The following TMEM63C variants were observed in gnomAD, a reference collection of about 807,000 sequenced individuals.
TMEM63C encodes transmembrane protein 63C.
Under a neutral mutation model 99.2 loss-of-function variants are expected in TMEM63C, and 32 were observed. The ratio of observed to expected loss-of-function variants is 0.32; its 90% confidence interval spans 0.24 to 0.43. TMEM63C has a LOEUF of 0.43. Among genes scored for constraint, TMEM63C ranks in the 20% least tolerant of loss-of-function variants. The probability of loss-of-function intolerance (pLI) is 1.00; values close to 1 mark genes in which losing one functional copy is unlikely to be tolerated. For synonymous variants in TMEM63C, 376 were observed against 397.9 expected (o/e 0.94, Z 0.66); for missense variants, 826 against 1,053.0 (o/e 0.78, Z 2.98).
chr14:77,190,422 A>G (rs1888083905), intron 1 of TMEM63C, among the ~76,000 whole-genome samples: 1 of 152,204 alleles, frequency 6.6e-6, no homozygotes, highest in Admixed American at 6.5e-5. Context: ...AAATTATTCT[A>G]TGAAGCACGA....
intron 13 of TMEM63C, among the ~76,000 whole-genome samples, chr14:77,241,939 C>A (rs1294663087): frequency 6.6e-6 from 1 of 152,212 alleles, no homozygotes. Context: ...TACTGGTCAT[C>A]AATTAGCACA....
chr14:77,252,037 G>A, intron 22 of TMEM63C, 139 bp downstream of exon 22: 1 of 750,904 alleles, frequency 1.3e-6, no homozygotes, highest in Non-Finnish European at 2.3e-6. Context: ...AGAGCGTGGA[G>A]CCCAGTGTGC....
At chr14:77,230,458 C>T (rs1888918161) in intron 6 of TMEM63C, among the ~76,000 whole-genome samples, 1 of 152,170 alleles carries the variant, frequency 6.6e-6, no homozygotes. Context: ...ATGGGTCATT[C>T]ATTTTTATTG....
At chr14:77,205,543 C>T (rs1053824361) in intron 1 of TMEM63C, among the ~76,000 whole-genome samples, 9 of 152,358 alleles carry the variant, frequency 5.9e-5, no homozygotes, top group African/African-American at 1.9e-4. Flanking sequence ...GGGGTGTACC[C>T]AGAAGGCTCC....
chr14:77,204,309 T>C (rs530626126), intron 1 of TMEM63C, among the ~76,000 whole-genome samples: 37 of 152,334 alleles, frequency 2.4e-4, no homozygotes, highest in African/African-American at 8.7e-4. Flanking sequence ...ATGATAGGCT[T>C]TGAGCAAAGC....
chr14:77,234,682 A>G (rs2140120620), intron 8 of TMEM63C, among the ~76,000 whole-genome samples: 1 of 152,260 alleles, frequency 6.6e-6, no homozygotes, highest in Admixed American at 6.5e-5. Flanking sequence ...CCCTCTAACC[A>G]TGTAGAATAA....
At chr14:77,221,921 T>C (rs1385812498) in intron 5 of TMEM63C, among the ~76,000 whole-genome samples, 3 of 151,702 alleles carry the variant, frequency 2.0e-5, no homozygotes, top group Non-Finnish European at 4.4e-5. Flanking sequence ...TCCTTCTGCC[T>C]CTCTGTCTGC....
chr14:77,196,608 C>G (rs909094443), intron 1 of TMEM63C, among the ~76,000 whole-genome samples: 3 of 152,200 alleles, frequency 2.0e-5, no homozygotes, highest in African/African-American at 7.2e-5. Flanking sequence ...TAGAATCCGG[C>G]CAGATGTGGC....
chr14:77,245,952 T>A lies in TMEM63C; in HGVS notation c.1461T>A (p.Asn487Lys). The part of the protein sequence containing the change: ...LEAHWTRSSQ[N>K]LVMVHKCYIF... ...TGTTTCCTTCTAGATCAAGTCAGAA[T>A]CTGGTCATGGTGCACAAGTGCTACA... Residue 487 changes from asparagine (N) to lysine (K), a missense_variant, in exon 17 of 24, where the codon AAT (asparagine) becomes AAA (lysine). Physicochemically the swap from Asn to Lys is moderately conservative, Grantham distance 94 (BLOSUM62 0). Coordinates refer to ENST00000298351, the MANE Select transcript of TMEM63C (RefSeq NM_020431.4). 6.2e-7 allele frequency: 1 copy of A among 1,613,948 alleles called. No homozygotes were observed. The highest frequency in any genetic ancestry group is 8.5e-7 in the Non-Finnish European group (1 of 1,179,790).
chr14:77,218,412 A>G (rs1888631663), intron 2 of TMEM63C, among the ~76,000 whole-genome samples: 1 of 152,198 alleles, frequency 6.6e-6, no homozygotes, highest in Non-Finnish European at 1.5e-5. Flanking sequence ...TTGACTTCCA[A>G]CCTGAACATT....
intron 5 of TMEM63C, among the ~76,000 whole-genome samples, 161 bp from the exon 6 acceptor site, chr14:77,225,263 C>T (rs554452722): frequency 6.6e-6 from 1 of 152,336 alleles, no homozygotes; most frequent in African/African-American, 2.4e-5. Context: ...CCTCCACAGT[C>T]ACCACTGGTT....
At chr14:77,187,695 G>A (rs371447151) in intron 1 of TMEM63C, among the ~76,000 whole-genome samples, 6 of 152,326 alleles carry the variant, frequency 3.9e-5, no homozygotes, top group East Asian at 1.9e-4. Flanking sequence ...CCAGACCATC[G>A]CAGCCCTGAT....
At chr14:77,215,580 G>A (rs1245549576) in intron 2 of TMEM63C, among the ~76,000 whole-genome samples, 4 of 78,404 alleles carry the variant, frequency 5.1e-5, no homozygotes, top group East Asian at 1.5e-3. Flanking sequence ...CAGCCTAAGC[G>A]ACAGAGTGAG....
At chr14:77,238,357 C>A (rs1889098008) in intron 9 of TMEM63C, among the ~76,000 whole-genome samples, 1 of 152,228 alleles carries the variant, frequency 6.6e-6, no homozygotes, top group Admixed American at 6.5e-5. Context: ...GATCCTCCAC[C>A]CCAGCCTGAT....
intron 1 of TMEM63C, among the ~76,000 whole-genome samples, chr14:77,211,196 T>A (rs1888492187): frequency 1.3e-5 from 2 of 152,184 alleles, no homozygotes; most frequent in Admixed American, 6.5e-5. Flanking sequence ...CTGCTCAGCA[T>A]GTCCAGAGCA....
At chr14:77,200,171 C>T (rs1888277008) in intron 1 of TMEM63C, among the ~76,000 whole-genome samples, 1 of 152,202 alleles carries the variant, frequency 6.6e-6, no homozygotes, top group Non-Finnish European at 1.5e-5. Flanking sequence ...CAGCCTGGAT[C>T]AGTGTGGCTT....
chr14:77,188,141 G>A (rs972150033), intron 1 of TMEM63C, among the ~76,000 whole-genome samples: 3 of 152,206 alleles, frequency 2.0e-5, no homozygotes, highest in East Asian at 1.9e-4. Flanking sequence ...CTTCCTGTCC[G>A]TCAAAGCCCA....
intron 3 of TMEM63C, 54 bp downstream of exon 3, chr14:77,219,017 C>G: frequency 6.9e-7 from 1 of 1,451,832 alleles, no homozygotes; most frequent in Non-Finnish European, 9.1e-7. Context: ...CAGGGTCGAA[C>G]TTTCACAGGT....
chr14:77,245,128 T>C (rs1227765787), intron 16 of TMEM63C, among the ~76,000 whole-genome samples: 1 of 152,228 alleles, frequency 6.6e-6, no homozygotes, highest in Non-Finnish European at 1.5e-5. Flanking sequence ...CTTCCTGGCC[T>C]TTTCCTCTGG....
Sources: gnomAD v4.1 joint callset for allele counts (sites outside exome capture counted in the v4.1 genomes callset) on GRCh38, gnomAD v4.1.1 for gene constraint, MANE v1.5 for transcripts, NCBI Gene and HGNC (gene_info 2026-07-23, HGNC 2026-07-21) for gene names.